Variants in IFT122 observed in about 807,000 individuals in gnomAD.
IFT122 encodes the protein intraflagellar transport 122, also known as intraflagellar transport protein 122 homolog.
In IFT122, 118 loss-of-function variants were observed where a neutral mutation model predicts 161.6. The ratio of observed to expected loss-of-function variants is 0.73; its 90% CI spans 0.63 to 0.85. IFT122 has a LOEUF of 0.85. IFT122 is among the 40% of genes least tolerant of loss of function. The pLI is 0.00. For missense variants in IFT122, 1,381 were observed against 1,579.6 expected, an observed-to-expected ratio of 0.87 and a Z score of 2.13; for synonymous variants, 550 against 602.4, an observed-to-expected ratio of 0.91 and a Z score of 1.27.
chr3:129,467,616 C>T (rs1022540861), intron 8 of IFT122, among the ~76,000 whole-genome samples: 2 of 152,088 alleles, frequency 1.3e-5, no homozygotes, highest in South Asian at 2.1e-4. Context: ...GAGAGGAAGC[C>T]CTTACCTTAG....
chr3:129,497,770 A>T (rs1028084628), intron 18 of IFT122, among the ~76,000 whole-genome samples: 1 of 152,216 alleles, frequency 6.6e-6, no homozygotes, highest in Non-Finnish European at 1.5e-5. Flanking sequence ...AATTTGAGAA[A>T]TATGTACCTA....
intron 1 of IFT122, among the ~76,000 whole-genome samples, chr3:129,442,019 C>T (rs999206379): frequency 6.6e-6 from 1 of 152,042 alleles, no homozygotes; most frequent in Non-Finnish European, 1.5e-5. Flanking sequence ...GTGCTCAGCT[C>T]TTCCTGTTTT....
intron 26 of IFT122, among the ~76,000 whole-genome samples, chr3:129,516,868 C>T (rs1323798588): frequency 1.6e-5 from 2 of 124,976 alleles, no homozygotes; most frequent in Admixed American, 8.7e-5. Context: ...GAGGCTGCCC[C>T]TGCACACACA....
chr3:129,480,651 C>G (rs1008757649), intron 13 of IFT122, among the ~76,000 whole-genome samples: 7 of 151,996 alleles, frequency 4.6e-5, no homozygotes, highest in Admixed American at 3.3e-4. Context: ...GAGGAAGGGC[C>G]GCTTATTTCT....
Position 129,483,748 on chromosome 3 carries a change from T to G in IFT122, c.1851+66T>G, listed in dbSNP as rs533882069. 2.1e-6 allele frequency: 3 copies of G among 1,423,166 alleles called. No homozygotes were observed. The East Asian group carries it at 7.5e-5, about 35-fold the overall frequency. The allele number at this position is 1,423,166 out of a possible 1,614,324, so 88.2% of individuals were successfully genotyped here. ...TGACAAGACCAGGGAAGCTGGGCCC[T>G]TTGCTGGTGCTTTGGGGAGAGAGTA... On this transcript the variant is annotated intron_variant, in intron 15 of 29. Coordinates refer to ENST00000348417, the MANE Select transcript of IFT122 (RefSeq NM_052989.3).
Position 129,502,252 on chromosome 3 carries a change from G to C in IFT122, c.2376-459G>C, listed in dbSNP as rs527439210. On this transcript the variant is annotated intron_variant, in intron 19 of 29. Transcript: ENST00000348417. ...TGCCTTGGCATCCACTTTTCCGTGA[G>C]AATTCCTGCACCCGTGGTGGAAAGA... Among the ~76,000 whole-genome samples, 4 of 152,332 alleles carry C rather than the reference G, an allele frequency of 2.6e-5. No individual in the cohort carries two copies. In the South Asian group the frequency reaches 8.3e-4, roughly 32 times the overall value.
intron 15 of IFT122, among the ~76,000 whole-genome samples, chr3:129,484,213 A>T (rs1402514734): frequency 6.6e-6 from 1 of 152,038 alleles, no homozygotes; most frequent in Non-Finnish European, 1.5e-5. Flanking sequence ...GAGCCACAGA[A>T]TGGGGGAGGG....
At chr3:129,516,492 GCACACACACATGGAGACTGC>G (rs2083676660) in intron 26 of IFT122, among the ~76,000 whole-genome samples, 1 of 113,042 alleles carries the variant, frequency 8.8e-6, no homozygotes. Context: ...GACTGCCCCT[GCACACACACATGGAGACTGC>G]CCCTGCGTGC....
intron 26 of IFT122, among the ~76,000 whole-genome samples, chr3:129,516,205 C>G (rs1471605361): frequency 7.1e-6 from 1 of 141,374 alleles, no homozygotes; most frequent in Non-Finnish European, 1.5e-5. Flanking sequence ...TGCACACACA[C>G]GGAGACTGCC....
chr3:129,496,173 G>A (rs1336325839), intron 18 of IFT122, among the ~76,000 whole-genome samples: 1 of 152,138 alleles, frequency 6.6e-6, no homozygotes, highest in Non-Finnish European at 1.5e-5. Context: ...TGCAGTGGGT[G>A]ATGGCAGAGA....
In IFT122 at chr3:129,467,055, GGAC is replaced by G. The variant is rs756536945; in HGVS notation, c.733_735del (p.Asp245del). The stretch of plus-strand genomic sequence containing the variant: ...CAGAGGAAGAGGACGACAGTCCCAG[GGAC>G]GACAACTTGTGAGTGTGTCCCAGTG... On this transcript the variant is annotated inframe_deletion, in exon 8 of 30. Transcript: ENST00000348417. The G allele has an allele frequency of 1.2e-6, 2 of 1,613,636 alleles. No homozygotes were observed. Among genetic ancestry groups the G allele is most frequent in the African/African-American group, 2.7e-5 (2 of 74,926 alleles).
intron 1 of IFT122, among the ~76,000 whole-genome samples, chr3:129,449,212 A>C (rs1288150190): frequency 6.6e-6 from 1 of 152,220 alleles, no homozygotes; most frequent in East Asian, 1.9e-4. Flanking sequence ...CCTTTATCAG[A>C]GTACTGTTCT....
intron 9 of IFT122, among the ~76,000 whole-genome samples, chr3:129,471,063 G>A (rs2077321393): frequency 6.6e-6 from 1 of 152,200 alleles, no homozygotes; most frequent in Non-Finnish European, 1.5e-5. Flanking sequence ...TAGTAGGCAG[G>A]AAATGCCAAG....
intron 17 of IFT122, among the ~76,000 whole-genome samples, chr3:129,493,274 G>A (rs1439569417): frequency 3.3e-5 from 5 of 152,218 alleles, no homozygotes; most frequent in Admixed American, 6.5e-5. Flanking sequence ...AATAGCAAAT[G>A]TCTTGTCCCT....
chr3:129,510,015 CA>C (rs1686501744), intron 23 of IFT122, among the ~76,000 whole-genome samples: 1 of 152,200 alleles, frequency 6.6e-6, no homozygotes, highest in Admixed American at 6.5e-5. Flanking sequence ...CTGCTCCAGG[CA>C]AGGCTTCACG....
intron 18 of IFT122, among the ~76,000 whole-genome samples, chr3:129,497,725 C>G (rs1310094585): frequency 6.6e-6 from 1 of 152,156 alleles, no homozygotes; most frequent in Non-Finnish European, 1.5e-5. Context: ...AGGTTGGTTC[C>G]TTTTCAATCC....
Position 129,464,666 on chromosome 3 carries a change from G to A in IFT122, c.448G>A (p.Gly150Arg). Residue 150 changes from glycine (G) to arginine (R), a missense_variant, in exon 7 of 30, where the codon GGG becomes AGG. Physicochemically the swap from Gly to Arg is moderately radical, Grantham distance 125 (BLOSUM62 -2). This residue lies in a region of IFT122 where 544 missense variants were observed against 648.0 expected (regional missense o/e 0.84). Transcript: ENST00000348417. ...AAATGATGGTCAGTACCTGGCGCTG[G>A]GGATGTTCAATGGGATCATCAGCAT... Reference protein sequence around the residue: ...WTNDGQYLALGMFNGIISIRN... With the variant: ...WTNDGQYLALRMFNGIISIRN... The A allele has an allele frequency of 6.2e-7, 1 of 1,614,162 alleles. No individual in the cohort carries two copies. The highest frequency in any genetic ancestry group is 8.5e-7 in the Non-Finnish European group (1 of 1,180,034).
intron 18 of IFT122, 108 bp downstream of exon 18, chr3:129,495,715 A>G: frequency 7.9e-7 from 1 of 1,265,650 alleles, no homozygotes; most frequent in South Asian, 1.2e-5. Flanking sequence ...AAAACTAGCA[A>G]TGGTCTCAGA....
At chr3:129,478,267 C>T (rs1302643983) in intron 12 of IFT122, 49 bp downstream of exon 12, 4 of 1,484,848 alleles carry the variant, frequency 2.7e-6, no homozygotes, top group South Asian at 1.2e-5. Flanking sequence ...ATTTGTGCTC[C>T]CCCCCCAGTG....
Sources: gnomAD v4.1 joint callset for allele counts (sites outside exome capture counted in the v4.1 genomes callset) on GRCh38, gnomAD v4.1.1 for gene constraint, gnomAD v4.1.1 regional missense constraint, MANE v1.5 for transcripts, NCBI Gene and HGNC (gene_info 2026-07-23, HGNC 2026-07-21) for gene names.